Variants in EIF4G1 observed in about 807,000 individuals in gnomAD.
The protein encoded by EIF4G1 is eukaryotic translation initiation factor 4 gamma 1.
Under a neutral mutation model 187.8 loss-of-function variants are expected in EIF4G1, and 4 were observed. The ratio of observed to expected loss-of-function variants is 0.02; its 90% CI spans 0.01 to 0.05. The LOEUF (loss-of-function observed/expected upper bound fraction) is 0.05, where lower values mean the gene tolerates loss of function less well. Ranked by LOEUF, EIF4G1 falls within the 10% of genes least tolerant of loss-of-function variation. EIF4G1 has a pLI of 1.00. For synonymous variants in EIF4G1, 844 were observed against 781.4 expected (o/e 1.08, Z -1.34); for missense variants, 1,647 against 2,081.1 (o/e 0.79, Z 4.06).
chr3:184,327,469 T>C (rs754843482), intron 24 of EIF4G1, 21 bp downstream of exon 24: 1 of 1,613,560 alleles, frequency 6.2e-7, no homozygotes, highest in Non-Finnish European at 8.5e-7. Flanking sequence ...GGGAGAGGAA[T>C]GGAGGGAAAG....
At chr3:184,326,686 G>C (rs906553345) in intron 22 of EIF4G1, 57 bp downstream of exon 22, 38 of 1,592,252 alleles carry the variant, frequency 2.4e-5, no homozygotes, top group Non-Finnish European at 2.8e-5. Context: ...CTTGAGGACA[G>C]AGCCTTTTCT....
rs1560214929 is a variant in EIF4G1 at position 184,322,035 on chromosome 3, T to A, written c.1451T>A (p.Leu484His). The A allele has an allele frequency of 6.2e-7, 1 of 1,613,786 alleles. No individual in the cohort carries two copies. The highest frequency in any genetic ancestry group is 8.5e-7 in the Non-Finnish European group (1 of 1,179,986). The change falls in exon 10 of 33, where the codon CTC (leucine) becomes CAC (histidine). Residue 484 changes from leucine to histidine, a missense_variant. By Grantham distance (99) the Leu-to-His change is moderately conservative. Coordinates refer to ENST00000346169, the MANE Select transcript of EIF4G1 (RefSeq NM_198241.3). Reference protein sequence around the residue: ...AESEKGGEELLPPESTPIPAN... With the variant: ...AESEKGGEELHPPESTPIPAN... The stretch of plus-strand genomic sequence containing the variant: ...AGTGAGAAAGGAGGAGAGGAACTGC[T>A]CCCCCCAGAGAGTACCCCTATTCCA...
Position 184,325,426 on chromosome 3 carries a change from C to T in EIF4G1, c.2961+53C>T, listed in dbSNP as rs576039058. ...AGCCTGCTGCCTCCAGTTTCTGACA[C>T]TGCCTTGTCTTGCCTTCCCTGACAT... is the stretch of plus-strand genomic sequence containing the variant. On this transcript the variant is annotated intron_variant, in intron 19 of 32. Coordinates refer to ENST00000346169, the MANE Select transcript of EIF4G1 (RefSeq NM_198241.3). This position sits in a 1 kb window ranked among gnomAD's most constrained non-coding sequence, Gnocchi z 5.2. 1 of 1,614,182 alleles carries T rather than the reference C, an allele frequency of 6.2e-7. No homozygotes were observed. The highest frequency in any genetic ancestry group is 8.5e-7 in the Non-Finnish European group (1 of 1,180,024).
At chr3:184,316,905 C>T (rs1008264627) in intron 4 of EIF4G1, among the ~76,000 whole-genome samples, 4 of 152,130 alleles carry the variant, frequency 2.6e-5, no homozygotes, top group Admixed American at 6.5e-5. Flanking sequence ...TTGAAGAACG[C>T]GCATCTGGGG....
chr3:184,328,625 T>C lies in EIF4G1; in HGVS notation c.3954-6T>C, dbSNP rs757660460. On this transcript the variant is annotated splice_polypyrimidine_tract_variant and splice_region_variant and intron_variant, in intron 26 of 32. Coordinates refer to ENST00000346169, the MANE Select transcript of EIF4G1 (RefSeq NM_198241.3). ...AGAATGTCTTGACTTTGAATTCCCT[T>C]GGCAGGTTGTATGAAATCTTGGAAT... The C allele has an allele frequency of 1.5e-5, 24 of 1,614,038 alleles. 2 individuals carry two copies. In the South Asian group the frequency reaches 2.6e-4, roughly 18 times the overall value.
At position 184,321,597 on chromosome 3, in the gene EIF4G1, C is replaced by T. The variant is rs139021806; in HGVS notation, c.1013C>T (p.Ser338Phe). The T allele has an allele frequency of 5.6e-6, 9 of 1,613,980 alleles. No homozygotes were observed. In the African/African-American group the frequency reaches 9.3e-5, roughly 17 times the overall value. Residue 338 changes from serine to phenylalanine, a missense_variant, in exon 10 of 33, where the codon TCT becomes TTT. Around this residue, in one of 11 missense-constraint regions of EIF4G1, gnomAD observed 522 missense variants for 485.2 expected, o/e 1.08. Transcript: ENST00000346169. ...ACACTTAGCAAACCGGTTCCAGAAT[C>T]TGAGTTTTCTTCCAGTCCTCTCCAG... ...EVTLSKPVPE[S>F]EFSSSPLQAP... is the part of the protein sequence containing the mutation.
rs745768721 is a variant in EIF4G1 at position 184,322,824 on chromosome 3, A to G, written c.1799A>G (p.Gln600Arg). 1 of 1,614,226 alleles carries G rather than the reference A, an allele frequency of 6.2e-7. No homozygotes were observed. Among genetic ancestry groups the G allele is most frequent in the South Asian group, 1.1e-5 (1 of 91,086 alleles). ...CTTCATTCTGTTTTCCTTGCAGATCAGTGGAAGCCTCTAAACCTAGAGGAG... is the reference window on the plus strand; with the variant it reads ...CTTCATTCTGTTTTCCTTGCAGATCGGTGGAAGCCTCTAAACCTAGAGGAG... ...GEQKYEYKSD[Q>R]WKPLNLEEKK... Residue 600 changes from glutamine (Q) to arginine (R), a missense_variant, in exon 13 of 33, where the codon CAG becomes CGG. By Grantham distance (43) the Gln-to-Arg change is conservative (BLOSUM62 1). This residue lies in a region of EIF4G1 where 522 missense variants were observed against 485.2 expected (regional missense o/e 1.08). Coordinates refer to ENST00000346169, the MANE Select transcript of EIF4G1 (RefSeq NM_198241.3).
Position 184,325,946 on chromosome 3 carries a change from A to G in EIF4G1, c.3217A>G (p.Thr1073Ala), listed in dbSNP as rs1171463272. The G allele has an allele frequency of 1.2e-6, 2 of 1,614,032 alleles. No individual in the cohort carries two copies. The highest frequency in any genetic ancestry group is 1.7e-6 in the Non-Finnish European group (2 of 1,180,012). ...PIDTSRLTKI[T>A]KPGSIDSNNQ... is the part of the protein sequence containing the mutation. ...TGACACCTCACGACTCACCAAGATC[A>G]CCAAGGTAGGGGTGTGTGTGGGAGT... The change falls in exon 21 of 33, where the codon ACC (threonine) becomes GCC (alanine). Residue 1073 changes from threonine to alanine, a missense_variant. Transcript: ENST00000346169. The surrounding 1 kb of genome is among the most constrained non-coding windows in gnomAD (Gnocchi z 5.2).
chr3:184,325,686 A>G lies in EIF4G1; in HGVS notation c.3121+47A>G, dbSNP rs752970524. 3.7e-6 allele frequency: 6 copies of G among 1,613,762 alleles called. No individual in the cohort carries two copies. In the African/African-American group the frequency reaches 6.7e-5, roughly 18 times the overall value. ...AGAAGGGAGCAGTGAAGGGACCGGG[A>G]GGTTATACTTTCCTCTGATGACTTC... On this transcript the variant is annotated intron_variant, in intron 20 of 32. Transcript: ENST00000346169. This position sits in a 1 kb window ranked among gnomAD's most constrained non-coding sequence, Gnocchi z 5.2.
At chr3:184,328,332 A>G in intron 26 of EIF4G1, 1 of 485,514 alleles carries the variant, frequency 2.1e-6, no homozygotes, top group Non-Finnish European at 3.8e-6. Flanking sequence ...TGGAGGTTGC[A>G]GTGAGCCGAG....
At position 184,322,974 on chromosome 3, in the gene EIF4G1, G is replaced by A; in HGVS notation, c.1929+20G>A. The A allele has an allele frequency of 6.2e-7, 1 of 1,614,212 alleles. No individual in the cohort carries two copies. Among genetic ancestry groups the A allele is most frequent in the Non-Finnish European group, 8.5e-7 (1 of 1,180,032 alleles). On this transcript the variant is annotated intron_variant, in intron 13 of 32. Coordinates refer to ENST00000346169, the MANE Select transcript of EIF4G1 (RefSeq NM_198241.3). Reference sequence around the variant, plus strand: ...GACAAGGTTAGTGGCTTCAGTTGGGGAGGGGACGATAAGTTTGTGCTGGAT... The same window carrying A: ...GACAAGGTTAGTGGCTTCAGTTGGGAAGGGGACGATAAGTTTGTGCTGGAT...
In EIF4G1 at chr3:184,325,708, C is replaced by T. The variant is rs779416972; in HGVS notation, c.3121+69C>T. On this transcript the variant is annotated intron_variant, in intron 20 of 32. Coordinates refer to ENST00000346169, the MANE Select transcript of EIF4G1 (RefSeq NM_198241.3). The surrounding 1 kb of genome is among the most constrained non-coding windows in gnomAD (Gnocchi z 5.2). The stretch of plus-strand genomic sequence containing the variant: ...GGGAGGTTATACTTTCCTCTGATGA[C>T]TTCCTGTTAGTGCCACGTGTCTGGG... The T allele has an allele frequency of 6.2e-7, 1 of 1,613,054 alleles. No individual in the cohort carries two copies. The highest frequency in any genetic ancestry group is 1.1e-5 in the South Asian group (1 of 90,992).
At position 184,321,561 on chromosome 3, in the gene EIF4G1, AAGT is replaced by A; in HGVS notation, c.980_982del (p.Val327del). ...ACTCCTCTCGCCGAACCCATACTGG[AAGT>A]AGAAGTGACACTTAGCAAACCGGTT... On this transcript the variant is annotated inframe_deletion, in exon 10 of 33. Coordinates refer to ENST00000346169, the MANE Select transcript of EIF4G1 (RefSeq NM_198241.3). The A allele has an allele frequency of 6.2e-7, 1 of 1,614,206 alleles. No individual in the cohort carries two copies. The highest frequency in any genetic ancestry group is 8.5e-7 in the Non-Finnish European group (1 of 1,180,032).
chr3:184,320,502 G>A, intron 7 of EIF4G1, 128 bp from the exon 8 acceptor site: 10 of 1,562,948 alleles, frequency 6.4e-6, no homozygotes, highest in South Asian at 1.2e-5. Flanking sequence ...AACTCAAGGG[G>A]TTTCTGGCAC....
chr3:184,328,253 C>T (rs1725336070), intron 26 of EIF4G1: 10 of 520,196 alleles, frequency 1.9e-5, no homozygotes, highest in South Asian at 1.8e-4. Flanking sequence ...AAAAATTAGC[C>T]AGGCGTGGTG....
Position 184,317,562 on chromosome 3 carries a change from A to G in EIF4G1, c.324+65A>G, listed in dbSNP as rs1037403362. ...TATACCTCTCACTTAACTCACCCTG[A>G]CCCTCCAGTTCCATTGCTTTTCCAG... On this transcript the variant is annotated intron_variant, in intron 5 of 32. Coordinates refer to ENST00000346169, the MANE Select transcript of EIF4G1 (RefSeq NM_198241.3). 7 of 1,595,762 alleles carry G rather than the reference A, an allele frequency of 4.4e-6. No homozygotes were observed. In the East Asian group the frequency reaches 1.6e-4, roughly 36 times the overall value.
chr3:184,324,469 CG>C (rs764048180), intron 17 of EIF4G1, 122 bp downstream of exon 17: 217 of 1,462,580 alleles, frequency 1.5e-4, no homozygotes, highest in Non-Finnish European at 8.7e-5. Flanking sequence ...TGGCTCAGGA[CG>C]TTTTTTTTCC....
At chr3:184,315,239 C>T in intron 1 of EIF4G1, 1 of 414,196 alleles carries the variant, frequency 2.4e-6, no homozygotes, top group Admixed American at 2.6e-5. Context: ...CCCTTCCTGG[C>T]CTACACTCCT....
chr3:184,335,205 C>T lies in EIF4G1; in HGVS notation c.*297C>T, dbSNP rs1009663699. On this transcript the variant is annotated 3_prime_UTR_variant, in exon 33 of 33. Transcript: ENST00000346169. ...GGCACCAACGCCTGCCCCTGGGGTC[C>T]TTTTTTTTATTTTCTGAAAATCACT... 5 of 382,716 alleles carry T rather than the reference C, an allele frequency of 1.3e-5. No homozygotes were observed. Among genetic ancestry groups the T allele is most frequent in the South Asian group, 1.3e-4 (4 of 31,434 alleles). 23.7% of individuals were successfully genotyped at this position (382,716 alleles called of 1,614,324 possible).
Sources: allele counts gnomAD v4.1 joint callset (sites outside exome capture counted in the v4.1 genomes callset), GRCh38; gene constraint gnomAD v4.1.1; regional missense constraint gnomAD v4.1.1; non-coding constraint Gnocchi (gnomAD v3.1); transcripts MANE v1.5; gene names NCBI Gene and HGNC (gene_info 2026-07-23, HGNC 2026-07-21).